RHOU: variants seen among roughly 807,000 people sequenced by gnomAD.
RHOU encodes rho-related GTP-binding protein RhoU.
RHOU carries 8 observed loss-of-function variants against 12.6 expected under a neutral mutation model. That is an observed-to-expected ratio of 0.64 (90% confidence interval 0.37 to 1.15). The LOEUF is 1.15. Ranked by LOEUF, RHOU falls within the 50% of genes most tolerant of loss-of-function variation. The pLI is 0.01. For synonymous variants in RHOU, 161 were observed against 147.4 expected, an observed-to-expected ratio of 1.09 and a Z score of -0.67; for missense variants, 258 against 347.0, an observed-to-expected ratio of 0.74 and a Z score of 2.04.
At chr1:228,655,832 A>C in the RHOU span, among the ~76,000 whole-genome samples, 1 of 152,246 alleles carries the variant, frequency 6.6e-6, no homozygotes, top group Admixed American at 6.5e-5. Flanking sequence ...AAACCTTGAC[A>C]AATGGAGCTG....
the RHOU span, among the ~76,000 whole-genome samples, chr1:228,730,043 A>C: frequency 6.6e-6 from 1 of 152,218 alleles, no homozygotes; most frequent in Non-Finnish European, 1.5e-5. Flanking sequence ...TTTCTAGTGA[A>C]ACATGGCAAG....
At chr1:228,676,561 T>C in the RHOU span, among the ~76,000 whole-genome samples, 1 of 152,192 alleles carries the variant, frequency 6.6e-6, no homozygotes, top group African/African-American at 2.4e-5. Flanking sequence ...CTATATATTG[T>C]CACACACGTC....
At chr1:228,691,646 A>G in the RHOU span, among the ~76,000 whole-genome samples, 1 of 152,244 alleles carries the variant, frequency 6.6e-6, no homozygotes, top group Non-Finnish European at 1.5e-5. Flanking sequence ...CCATTCACCT[A>G]CTGAAGGACA....
the RHOU span, among the ~76,000 whole-genome samples, chr1:228,708,689 A>T: frequency 6.6e-6 from 1 of 152,178 alleles, no homozygotes; most frequent in Non-Finnish European, 1.5e-5. Flanking sequence ...AACCGGTACC[A>T]GCCGCTGCAA....
the RHOU span, among the ~76,000 whole-genome samples, chr1:228,694,562 A>G: frequency 6.6e-6 from 1 of 152,208 alleles, no homozygotes; most frequent in African/African-American, 2.4e-5. Flanking sequence ...TATAAGTAAG[A>G]ACATGCAGTG....
At chr1:228,681,594 T>A in the RHOU span, among the ~76,000 whole-genome samples, 1 of 152,080 alleles carries the variant, frequency 6.6e-6, no homozygotes, top group Admixed American at 6.6e-5. Context: ...TTTGCCCTTT[T>A]TTCGACAAAA....
chr1:228,713,900 T>C, the RHOU span, among the ~76,000 whole-genome samples: 1 of 152,134 alleles, frequency 6.6e-6, no homozygotes. Flanking sequence ...CTGCTGTAGA[T>C]TTGATTGCTT....
chr1:228,650,347 G>T, the RHOU span: 3 of 462,122 alleles, frequency 6.5e-6, no homozygotes, highest in African/African-American at 2.0e-5. Context: ...GGCCTTTACC[G>T]CCTTGAGCGT....
the RHOU span, among the ~76,000 whole-genome samples, chr1:228,713,002 C>CTT: frequency 6.8e-6 from 1 of 146,834 alleles, no homozygotes; most frequent in African/African-American, 2.5e-5. Flanking sequence ...TTTTTTCTTC[C>CTT]TTTTTTTTTT....
the RHOU span, among the ~76,000 whole-genome samples, chr1:228,710,994 A>G: frequency 6.6e-6 from 1 of 152,098 alleles, no homozygotes; most frequent in Non-Finnish European, 1.5e-5. Context: ...TACAAAAATC[A>G]CAAGCATTCT....
the RHOU span, among the ~76,000 whole-genome samples, chr1:228,716,110 G>C: frequency 1.3e-5 from 2 of 151,924 alleles, no homozygotes; most frequent in South Asian, 2.1e-4. Context: ...AAATATAGGG[G>C]CCTTGCTTTG....
chr1:228,656,576 G>A, the RHOU span, among the ~76,000 whole-genome samples: 1 of 152,132 alleles, frequency 6.6e-6, no homozygotes, highest in Non-Finnish European at 1.5e-5. Context: ...AAAAAAAAGA[G>A]TTTTTACATG....
the RHOU span, among the ~76,000 whole-genome samples, chr1:228,728,576 A>C: frequency 6.6e-6 from 1 of 152,230 alleles, no homozygotes; most frequent in Non-Finnish European, 1.5e-5. Context: ...AAAAGTTTAC[A>C]ATATGTGATT....
chr1:228,684,281 C>T, the RHOU span, among the ~76,000 whole-genome samples: 1 of 151,438 alleles, frequency 6.6e-6, no homozygotes, highest in African/African-American at 2.5e-5. Flanking sequence ...AGGTGATCCT[C>T]CCGCCTCAGC....
the RHOU span, among the ~76,000 whole-genome samples, chr1:228,652,102 C>T: frequency 1.2e-4 from 19 of 152,316 alleles, no homozygotes; most frequent in Admixed American, 4.6e-4. Context: ...TCTCATTGCA[C>T]CTCTTCTCAG....
chr1:228,695,522 C>T, the RHOU span, among the ~76,000 whole-genome samples: 2 of 152,152 alleles, frequency 1.3e-5, no homozygotes, highest in African/African-American at 4.8e-5. Context: ...CAACCACAAG[C>T]CCCAGGTTGC....
At chr1:228,683,772 C>G in the RHOU span, among the ~76,000 whole-genome samples, 1 of 152,210 alleles carries the variant, frequency 6.6e-6, no homozygotes, top group Non-Finnish European at 1.5e-5. Flanking sequence ...TGCACGGTTT[C>G]AGGAGGTCCT....
the RHOU span, among the ~76,000 whole-genome samples, chr1:228,684,357 G>C: frequency 6.8e-6 from 1 of 146,946 alleles, no homozygotes; most frequent in Non-Finnish European, 1.5e-5. Flanking sequence ...TTGAGACTAG[G>C]TCTCATGTGT....
chr1:228,683,892 A>T, the RHOU span, among the ~76,000 whole-genome samples: 1 of 152,220 alleles, frequency 6.6e-6, no homozygotes, highest in Admixed American at 6.5e-5. Context: ...GGGTCAGGGT[A>T]GGTGTGCCTC....
Sources: gnomAD v4.1 joint callset for allele counts (sites outside exome capture counted in the v4.1 genomes callset) on GRCh38, gnomAD v4.1.1 for gene constraint, MANE v1.5 for transcripts, NCBI Gene and HGNC (gene_info 2026-07-23, HGNC 2026-07-21) for gene names.